The following SYN3 variants were observed in gnomAD, a reference collection of about 807,000 sequenced individuals.
SYN3 encodes synapsin III, also known as synapsin-3.
In SYN3, 35 loss-of-function variants were observed where a neutral mutation model predicts 65.8. The observed-to-expected ratio is 0.53, with a 90% confidence interval of 0.41 to 0.70. SYN3 has a LOEUF of 0.70. Ranked by LOEUF, SYN3 falls within the 30% of genes least tolerant of loss-of-function variation. The pLI is 0.00. For synonymous variants in SYN3, 270 were observed against 292.9 expected, an observed-to-expected ratio of 0.92 and a Z score of 0.80; for missense variants, 680 against 749.0, an observed-to-expected ratio of 0.91 and a Z score of 1.08.
chr22:32,567,451 CA>C (rs954491717), intron 7 of SYN3, among the ~76,000 whole-genome samples: 1 of 151,216 alleles, frequency 6.6e-6, no homozygotes, highest in Non-Finnish European at 1.5e-5. Context: ...AACACAGAGC[CA>C]AAAGAGATTA....
chr22:32,975,989 A>G (rs2052174092), intron 3 of SYN3, among the ~76,000 whole-genome samples: 1 of 152,230 alleles, frequency 6.6e-6, no homozygotes, highest in South Asian at 2.1e-4. Context: ...ATTCTAAGAA[A>G]TGTCCCAGAA....
intron 6 of SYN3, among the ~76,000 whole-genome samples, chr22:32,621,495 A>C (rs1214214710): frequency 6.6e-6 from 1 of 152,118 alleles, no homozygotes; most frequent in Non-Finnish European, 1.5e-5. Context: ...TGGGCAGGAC[A>C]GCTTGGATTT....
chr22:32,643,464 T>A (rs1209093745), intron 6 of SYN3, among the ~76,000 whole-genome samples: 1 of 138,086 alleles, frequency 7.2e-6, no homozygotes, highest in African/African-American at 2.7e-5. Flanking sequence ...AGGGGTCAAC[T>A]TAAGCCTTCT....
intron 1 of SYN3, among the ~76,000 whole-genome samples, chr22:33,036,910 T>G (rs1312945433): frequency 6.6e-6 from 1 of 151,986 alleles, no homozygotes; most frequent in African/African-American, 2.4e-5. Context: ...AGGCTGGTCT[T>G]GAACTCCTGA....
intron 4 of SYN3, among the ~76,000 whole-genome samples, chr22:32,872,577 G>T (rs1481573779): frequency 6.6e-6 from 1 of 152,142 alleles, no homozygotes; most frequent in East Asian, 1.9e-4. Context: ...GCCAAACCAG[G>T]CATGTGTTAT....
chr22:32,987,475 T>C (rs2052561588), intron 2 of SYN3, among the ~76,000 whole-genome samples: 1 of 152,138 alleles, frequency 6.6e-6, no homozygotes, highest in South Asian at 2.1e-4. Flanking sequence ...CACCTTCCCA[T>C]TGCCAGAGGG....
At chr22:32,671,622 C>T (rs1458158970) in intron 6 of SYN3, among the ~76,000 whole-genome samples, 2 of 149,780 alleles carry the variant, frequency 1.3e-5, no homozygotes, top group African/African-American at 5.0e-5. Context: ...CGCTCTCACA[C>T]AGGTATACAC....
intron 4 of SYN3, among the ~76,000 whole-genome samples, chr22:32,904,462 A>G (rs1030401158): frequency 1.3e-5 from 2 of 151,998 alleles, no homozygotes; most frequent in African/African-American, 4.8e-5. Context: ...CGTCTGCTGA[A>G]TGCCACACTC....
intron 6 of SYN3, among the ~76,000 whole-genome samples, chr22:32,748,834 C>T (rs2045021718): frequency 6.6e-6 from 1 of 152,180 alleles, no homozygotes; most frequent in South Asian, 2.1e-4. Flanking sequence ...ACACCTGTGG[C>T]CTCTGTCTCC....
chr22:32,673,111 G>A (rs1299244230), intron 6 of SYN3, among the ~76,000 whole-genome samples: 5 of 152,160 alleles, frequency 3.3e-5, no homozygotes, highest in Non-Finnish European at 5.9e-5. Context: ...TCTTCCTTTC[G>A]CCTCCTAAGA....
intron 7 of SYN3, among the ~76,000 whole-genome samples, chr22:32,569,256 A>AATCT (rs71320935): frequency 0.18 from 25,236 of 140,588 alleles, 2,363 homozygotes; most frequent in East Asian, 0.21. Context: ...ATGCATCCAA[A>AATCT]ATCTATCTAT....
intron 6 of SYN3, among the ~76,000 whole-genome samples, chr22:32,770,144 C>T (rs1479016283): frequency 6.6e-6 from 1 of 152,162 alleles, no homozygotes; most frequent in African/African-American, 2.4e-5. Flanking sequence ...TCTTGCACTC[C>T]ACATCCAATC....
intron 2 of SYN3, among the ~76,000 whole-genome samples, chr22:32,989,528 C>A (rs749104478): frequency 6.6e-6 from 1 of 152,110 alleles, no homozygotes; most frequent in South Asian, 2.1e-4. Flanking sequence ...CCAGCATAGG[C>A]CTTTAGGGTA....
chr22:32,573,946 T>A (rs1569053746), intron 7 of SYN3, among the ~76,000 whole-genome samples: 1 of 151,076 alleles, frequency 6.6e-6, no homozygotes, highest in Non-Finnish European at 1.5e-5. Flanking sequence ...ATTTTTTTTT[T>A]TTTTTTATTT....
intron 2 of SYN3, among the ~76,000 whole-genome samples, chr22:32,985,937 C>A (rs1421367422): frequency 6.6e-6 from 1 of 152,014 alleles, no homozygotes; most frequent in Non-Finnish European, 1.5e-5. Flanking sequence ...CTGGGCTGAG[C>A]GTCCTCCCTT....
chr22:32,876,250 C>T (rs1432592466), intron 4 of SYN3, among the ~76,000 whole-genome samples: 1 of 152,134 alleles, frequency 6.6e-6, no homozygotes, highest in Non-Finnish European at 1.5e-5. Flanking sequence ...TTCAAGGCCA[C>T]AAATCCCATT....
intron 6 of SYN3, chr22:32,802,199 C>G (rs1488259606): frequency 1.3e-6 from 2 of 1,516,814 alleles, no homozygotes; most frequent in African/African-American, 2.8e-5. Context: ...GCAGGGCGAG[C>G]CCCACTCCTT....
chr22:32,536,834 C>T (rs1011337165), intron 9 of SYN3, among the ~76,000 whole-genome samples: 1 of 152,198 alleles, frequency 6.6e-6, no homozygotes, highest in African/African-American at 2.4e-5. Flanking sequence ...TAAGGCCTTA[C>T]CTGACACTGT....
intron 7 of SYN3, among the ~76,000 whole-genome samples, chr22:32,596,033 C>T (rs112546485): frequency 0.037 from 5,602 of 152,234 alleles, 371 homozygotes; most frequent in African/African-American, 0.13. Context: ...GCCGAGATCA[C>T]GCTACTGCAC....
Sources: allele counts gnomAD v4.1 joint callset (sites outside exome capture counted in the v4.1 genomes callset), GRCh38; gene constraint gnomAD v4.1.1; transcripts MANE v1.5; gene names NCBI Gene and HGNC (gene_info 2026-07-23, HGNC 2026-07-21).